TMEM138: variants seen among roughly 807,000 people sequenced by gnomAD.
TMEM138 encodes transmembrane protein 138.
Under a neutral mutation model 18.1 loss-of-function variants are expected in TMEM138, and 9 were observed. The ratio of observed to expected loss-of-function variants is 0.50; its 90% CI spans 0.30 to 0.87. TMEM138 has a LOEUF of 0.87. Ranked by LOEUF, TMEM138 falls within the 40% of genes least tolerant of loss-of-function variation. TMEM138 has a pLI of 0.06. For synonymous variants in TMEM138, 79 were observed against 74.8 expected (o/e 1.06, Z -0.29); for missense variants, 189 against 190.6 (o/e 0.99, Z 0.05).
downstream of TMEM138, among the ~76,000 whole-genome samples, chr11:61,371,004 G>A (rs1327537264): frequency 6.6e-6 from 1 of 152,048 alleles, no homozygotes; most frequent in Non-Finnish European, 1.5e-5. Flanking sequence ...ACTGAGTCAC[G>A]CAACACCGCC....
At chr11:61,372,522 C>T (rs1565082394), downstream of TMEM138, among the ~76,000 whole-genome samples, 1 of 151,386 alleles carries the variant, frequency 6.6e-6, no homozygotes, top group African/African-American at 2.4e-5. Flanking sequence ...GTGGCTCACG[C>T]CTGTAATCCC....
At chr11:61,376,124 G>A (rs569636923), downstream of TMEM138, among the ~76,000 whole-genome samples, 10 of 152,286 alleles carry the variant, frequency 6.6e-5, no homozygotes, top group Admixed American at 2.0e-4. Context: ...CAAGGCAGGC[G>A]GATCACCTGA....
chr11:61,375,495 G>T (rs1858423899), downstream of TMEM138, among the ~76,000 whole-genome samples: 1 of 151,532 alleles, frequency 6.6e-6, no homozygotes, highest in South Asian at 2.1e-4. Flanking sequence ...GCTAATTTTT[G>T]TATTTTTAGT....
In TMEM138 at chr11:61,366,220, A is replaced by T. The variant is rs1858147132; in HGVS notation, c.300+4A>T. ...CTCCCTTCATGTCTGGGTCATGGTA[A>T]GAGTGGCAGTCTGAATTCTTTTTTT... is the stretch of plus-strand genomic sequence containing the variant. On this transcript the variant is annotated splice_donor_region_variant and intron_variant, in intron 3 of 4. Coordinates refer to ENST00000278826, the MANE Select transcript of TMEM138 (RefSeq NM_016464.5). 6.2e-7 allele frequency: 1 copy of T among 1,600,900 alleles called. No homozygotes were observed. Among genetic ancestry groups the T allele is most frequent in the Non-Finnish European group, 8.5e-7 (1 of 1,176,520 alleles).
chr11:61,371,840 A>T (rs1278696482), downstream of TMEM138, among the ~76,000 whole-genome samples: 1 of 152,192 alleles, frequency 6.6e-6, no homozygotes, highest in African/African-American at 2.4e-5. Context: ...AAGCCTTGCA[A>T]GTCAGGTGGA....
chr11:61,372,197 T>C (rs1220568187), downstream of TMEM138, among the ~76,000 whole-genome samples: 1 of 143,902 alleles, frequency 6.9e-6, no homozygotes, highest in African/African-American at 2.6e-5. Flanking sequence ...AAAAAAAAGT[T>C]AAATTCTGCC....
chr11:61,368,938 C>A lies in TMEM138; in HGVS notation c.*229C>A, dbSNP rs141443394. The A allele has an allele frequency of 3.8e-6, 2 of 527,162 alleles. No homozygotes were observed. Among genetic ancestry groups the A allele is most frequent in the Admixed American group, 3.1e-5 (1 of 31,870 alleles). 32.7% of individuals were successfully genotyped at this position (527,162 alleles called of 1,614,324 possible). ...CTTGCCTTCTACCTCTGTTCCACCC[C>A]CTTTCCTTCCTTTCCTCTCTGTACC... On this transcript the variant is annotated 3_prime_UTR_variant, in exon 5 of 5. Coordinates refer to ENST00000278826, the MANE Select transcript of TMEM138 (RefSeq NM_016464.5).
Position 61,366,318 on chromosome 11 carries a change from A to G in TMEM138, c.300+102A>G, listed in dbSNP as rs922078705. On this transcript the variant is annotated intron_variant, in intron 3 of 4. Coordinates refer to ENST00000278826, the MANE Select transcript of TMEM138 (RefSeq NM_016464.5). ...GGTCTCAAACTCCTGAGCTCAAGCA[A>G]TTCTCCTGCTTCTGCCTCCCAAGCT... 2.9e-5 allele frequency: 38 copies of G among 1,324,552 alleles called. No individual in the cohort carries two copies. In the South Asian group the frequency reaches 4.0e-4, roughly 14 times the overall value. The allele number at this position is 1,324,552 out of a possible 1,614,324, so 82.0% of individuals were successfully genotyped here.
chr11:61,364,081 A>G (rs1042698109), intron 1 of TMEM138, 171 bp from the exon 2 acceptor site: 7 of 217,540 alleles, frequency 3.2e-5, no homozygotes, highest in Non-Finnish European at 6.4e-5. Flanking sequence ...AGGCATGGAG[A>G]AAAGCTGGTG....
rs565746618 is a variant in TMEM138 at position 61,369,230 on chromosome 11, T to C, written c.*521T>C. Reference sequence around the variant, plus strand: ...CCATAAATGGGGGAGTCTGTCTGTCTAGCTAGATCTCTTCATGTTAAGAGG... The same window carrying C: ...CCATAAATGGGGGAGTCTGTCTGTCCAGCTAGATCTCTTCATGTTAAGAGG... On this transcript the variant is annotated 3_prime_UTR_variant, in exon 5 of 5. Coordinates refer to ENST00000278826, the MANE Select transcript of TMEM138 (RefSeq NM_016464.5). 6.5e-6 allele frequency: 1 copy of C among 155,034 alleles called. No homozygotes were observed. The highest frequency in any genetic ancestry group is 2.0e-4 in the South Asian group (1 of 5,066). 9.6% of individuals were successfully genotyped at this position (155,034 alleles called of 1,614,324 possible).
At chr11:61,375,057 G>A (rs1002248936), downstream of TMEM138, among the ~76,000 whole-genome samples, 2 of 152,118 alleles carry the variant, frequency 1.3e-5, no homozygotes, top group African/African-American at 2.4e-5. Context: ...AAACTTTCAC[G>A]ACTCATGGAG....
At chr11:61,371,504 G>A (rs763489701), downstream of TMEM138, among the ~76,000 whole-genome samples, 1 of 152,212 alleles carries the variant, frequency 6.6e-6, no homozygotes, top group Non-Finnish European at 1.5e-5. Context: ...ACAAGGACAT[G>A]CCAATTCTTA....
chr11:61,365,687 C>G (rs1054876275), intron 2 of TMEM138: 3 of 169,890 alleles, frequency 1.8e-5, no homozygotes, highest in Non-Finnish European at 3.8e-5. Context: ...TGTGATCATA[C>G]CACTGCACTC....
chr11:61,372,516 C>T (rs890762019), downstream of TMEM138, among the ~76,000 whole-genome samples: 1 of 149,932 alleles, frequency 6.7e-6, no homozygotes, highest in African/African-American at 2.4e-5. Flanking sequence ...GGTGCGGTGG[C>T]TCACGCCTGT....
At chr11:61,374,869 A>G (rs187579188), downstream of TMEM138, among the ~76,000 whole-genome samples, 30 of 152,296 alleles carry the variant, frequency 2.0e-4, no homozygotes, top group Middle Eastern at 3.4e-3. Context: ...AGGCAGGAGA[A>G]TTGCTTGAAC....
chr11:61,368,916 GCCTTCTA>G lies in TMEM138; in HGVS notation c.*211_*217del. The G allele has an allele frequency of 1.7e-6, 1 of 575,220 alleles. No homozygotes were observed. The highest frequency in any genetic ancestry group is 2.0e-5 in the South Asian group (1 of 50,928). The allele number at this position is 575,220 out of a possible 1,614,324, so 35.6% of individuals were successfully genotyped here. On this transcript the variant is annotated 3_prime_UTR_variant, in exon 5 of 5. Coordinates refer to ENST00000278826, the MANE Select transcript of TMEM138 (RefSeq NM_016464.5). Reference sequence around the variant, plus strand: ...GTCTCCAGTGCGGCATCCCTTCCTTGCCTTCTACCTCTGTTCCACCCCCTTTCCTTCC... The same window carrying G: ...GTCTCCAGTGCGGCATCCCTTCCTTGCCTCTGTTCCACCCCCTTTCCTTCC...
At chr11:61,365,107 G>A (rs1858093095) in intron 2 of TMEM138, among the ~76,000 whole-genome samples, 1 of 142,406 alleles carries the variant, frequency 7.0e-6, no homozygotes, top group South Asian at 2.3e-4. Flanking sequence ...AGAATCACTT[G>A]AACCTGGGAG....
At chr11:61,367,855 C>A in intron 3 of TMEM138, 68 bp from the exon 4 acceptor site, 1 of 973,686 alleles carries the variant, frequency 1.0e-6, no homozygotes, top group Non-Finnish European at 1.6e-6. Context: ...ATCTCTGCAG[C>A]TAACCAAGTT....
In TMEM138 at chr11:61,364,414, C is replaced by G; in HGVS notation, c.24C>G (p.Ser8Arg). The G allele has an allele frequency of 6.2e-7, 1 of 1,614,174 alleles. No homozygotes were observed. The highest frequency in any genetic ancestry group is 8.5e-7 in the Non-Finnish European group (1 of 1,180,010). Residue 8 changes from serine (S) to arginine (R), a missense_variant, in exon 2 of 5, where the codon AGC becomes AGG. Ser to Arg is a moderately radical substitution (Grantham distance 110). Transcript: ENST00000278826. MLQTSNY[S>R]LVLSLQFLLL... is the part of the protein sequence containing the mutation. Reference sequence around the variant, plus strand: ...AGATGCTCCAGACCAGTAACTACAGCCTGGTGCTCTCTCTGCAGTTCCTGC... The same window carrying G: ...AGATGCTCCAGACCAGTAACTACAGGCTGGTGCTCTCTCTGCAGTTCCTGC...
Sources: allele counts gnomAD v4.1 joint callset (sites outside exome capture counted in the v4.1 genomes callset), GRCh38; gene constraint gnomAD v4.1.1; transcripts MANE v1.5; gene names NCBI Gene and HGNC (gene_info 2026-07-23, HGNC 2026-07-21).